IMPG2: variants seen among roughly 807,000 people sequenced by gnomAD.
IMPG2 encodes interphotoreceptor matrix proteoglycan 2.
A neutral mutation model predicts 129.2 loss-of-function variants in IMPG2; 91 were observed. The observed-to-expected ratio is 0.70, with a 90% CI of 0.59 to 0.84. IMPG2 has a LOEUF of 0.84. Ranked by LOEUF, IMPG2 falls within the 40% of genes least tolerant of loss-of-function variation. The pLI is 0.00. For missense variants in IMPG2, 1,430 were observed against 1,461.7 expected, an observed-to-expected ratio of 0.98 and a Z score of 0.35; for synonymous variants, 510 against 517.7, an observed-to-expected ratio of 0.99 and a Z score of 0.20.
chr3:101,279,561 A>G (rs1372688229), intron 4 of IMPG2, among the ~76,000 whole-genome samples: 1 of 152,204 alleles, frequency 6.6e-6, no homozygotes, highest in Non-Finnish European at 1.5e-5. Context: ...GAACCTGGTT[A>G]GAGTTGCTCT....
At chr3:101,227,898 T>G (rs521661) in intron 18 of IMPG2, 359,580 of 455,842 alleles carry the variant, frequency 0.79, 142,277 homozygotes, top group Admixed American at 0.83. Context: ...AAGGGGCAGG[T>G]GTTCCACTCA....
At position 101,225,050 on chromosome 3, in the gene IMPG2, G is replaced by C. The variant is rs1706206332; in HGVS notation, c.*1919C>G. The C allele has an allele frequency of 6.6e-6, 1 of 152,146 alleles. No homozygotes were observed. Among genetic ancestry groups the C allele is most frequent in the African/African-American group, 2.4e-5 (1 of 41,438 alleles). 9.4% of individuals were successfully genotyped at this position (152,146 alleles called of 1,614,324 possible). A position where few individuals can be genotyped will look rare whatever the true frequency, so the allele number is the denominator to read the frequency against. ...CACATTCAAAGAGTTGCATTCTAAG[G>C]TTAATTTGTGATAAAATACACTTTC... On this transcript the variant is annotated 3_prime_UTR_variant, in exon 19 of 19. Coordinates refer to ENST00000193391, the MANE Select transcript of IMPG2 (RefSeq NM_016247.4).
At chr3:101,239,801 C>T (rs1024418579) in intron 14 of IMPG2, among the ~76,000 whole-genome samples, 1 of 152,206 alleles carries the variant, frequency 6.6e-6, no homozygotes, top group Non-Finnish European at 1.5e-5. Flanking sequence ...CCATTATTCT[C>T]AGCGAACTAA....
chr3:101,262,633 AAT>A lies in IMPG2; in HGVS notation c.909-4862_909-4861del, dbSNP rs150715779. Among the ~76,000 whole-genome samples, 860 of 152,080 alleles carry A rather than the reference AAT, an allele frequency of 5.7e-3. 10 individuals carry two copies. Among genetic ancestry groups the A allele is most frequent in the African/African-American group, 0.02 (830 of 41,538 alleles). Reference sequence around the variant, plus strand: ...CACAAAAATAAACAATGAGAGAAGAAATAAGGAACAAAGAATATACAAAACAA... The same window carrying A: ...CACAAAAATAAACAATGAGAGAAGAAAAGGAACAAAGAATATACAAAACAA... On this transcript the variant is annotated intron_variant, in intron 9 of 18. Coordinates refer to ENST00000193391, the MANE Select transcript of IMPG2 (RefSeq NM_016247.4).
chr3:101,267,022 T>C (rs1175185004), intron 9 of IMPG2, among the ~76,000 whole-genome samples: 1 of 152,172 alleles, frequency 6.6e-6, no homozygotes, highest in Non-Finnish European at 1.5e-5. Context: ...AATCCTGTGA[T>C]TCACAGCAAC....
intron 3 of IMPG2, among the ~76,000 whole-genome samples, chr3:101,299,698 C>T (rs1254044436): frequency 1.3e-5 from 2 of 152,140 alleles, no homozygotes; most frequent in Admixed American, 1.3e-4. Flanking sequence ...ACTGTTCAGG[C>T]CCTACTCATC....
intron 3 of IMPG2, among the ~76,000 whole-genome samples, chr3:101,296,305 G>C (rs763761729): frequency 6.6e-6 from 1 of 152,136 alleles, no homozygotes; most frequent in Non-Finnish European, 1.5e-5. Context: ...GGCCTTTTCT[G>C]CATCTATTGA....
rs377405710 is a variant in IMPG2, at chr3:101,307,403, C to T, written c.335-3091G>A. Reference sequence around the variant, plus strand: ...ATGAAGAAATGCCCAAGACTGGGTACTTTATAAAGGAAAGAGATTTAACTG... The same window carrying T: ...ATGAAGAAATGCCCAAGACTGGGTATTTTATAAAGGAAAGAGATTTAACTG... On this transcript the variant is annotated intron_variant, in intron 2 of 18. Transcript: ENST00000193391. 5.0e-4 allele frequency among the ~76,000 whole-genome samples: 76 copies of T among 152,274 alleles called. No homozygotes were observed. In the South Asian group the frequency reaches 0.015, roughly 31 times the overall value.
chr3:101,310,197 A>G (rs1707247089), intron 2 of IMPG2, among the ~76,000 whole-genome samples: 1 of 152,206 alleles, frequency 6.6e-6, no homozygotes, highest in African/African-American at 2.4e-5. Context: ...AGCTCTAGTT[A>G]ATGATACTCA....
chr3:101,302,276 G>A (rs1707147627), intron 3 of IMPG2, among the ~76,000 whole-genome samples: 1 of 152,176 alleles, frequency 6.6e-6, no homozygotes, highest in Non-Finnish European at 1.5e-5. Context: ...AACATCAGAA[G>A]ATTCTGTTCT....
chr3:101,253,637 G>A, intron 11 of IMPG2, 59 bp downstream of exon 11: 1 of 1,119,720 alleles, frequency 8.9e-7, no homozygotes, highest in Non-Finnish European at 1.4e-6. Context: ...GTAAGCAGGT[G>A]CAGGAAGAAA....
intron 2 of IMPG2, 76 bp downstream of exon 2, chr3:101,319,508 T>C: frequency 6.4e-7 from 1 of 1,562,930 alleles, no homozygotes; most frequent in Non-Finnish European, 8.8e-7. Flanking sequence ...AATTTTGATT[T>C]ACAATGTTAC....
intron 11 of IMPG2, among the ~76,000 whole-genome samples, chr3:101,249,907 A>G (rs980968879): frequency 6.6e-6 from 1 of 152,066 alleles, no homozygotes; most frequent in Non-Finnish European, 1.5e-5. Context: ...TACGAAAAAC[A>G]TAAAATAAAA....
At chr3:101,273,853 T>C (rs1239973725) in intron 6 of IMPG2, 111 bp from the exon 7 acceptor site, 1 of 1,045,752 alleles carries the variant, frequency 9.6e-7, no homozygotes, top group East Asian at 2.5e-5. Context: ...CTTCTGAAGA[T>C]AATCTTATTA....
intron 4 of IMPG2, among the ~76,000 whole-genome samples, chr3:101,277,716 G>A (rs946750207): frequency 1.3e-5 from 2 of 152,134 alleles, no homozygotes; most frequent in African/African-American, 4.8e-5. Flanking sequence ...GAGATCAGAA[G>A]ATAATCTAAG....
intron 9 of IMPG2, among the ~76,000 whole-genome samples, chr3:101,263,351 A>G (rs1706690216): frequency 6.6e-6 from 1 of 152,064 alleles, no homozygotes; most frequent in South Asian, 2.1e-4. Flanking sequence ...AAATTATATC[A>G]AGTATCTTAC....
chr3:101,279,365 G>C (rs976545545), intron 4 of IMPG2, among the ~76,000 whole-genome samples: 1 of 152,200 alleles, frequency 6.6e-6, no homozygotes, highest in African/African-American at 2.4e-5. Flanking sequence ...TGGAGAAGCT[G>C]TTATGTAAAA....
chr3:101,259,272 G>C (rs1706644451), intron 9 of IMPG2, among the ~76,000 whole-genome samples: 3 of 151,930 alleles, frequency 2.0e-5, no homozygotes, highest in Admixed American at 1.3e-4. Context: ...CCTTCCAAGA[G>C]ACAAACCACT....
rs1706682629 is a variant in IMPG2, at chr3:101,262,696, A to G, written c.908+4815T>C. ...AACAACAAAATGACATAAGTTCTCT[A>G]CTGTGAATTATAACCTTGAAGTTAA... On this transcript the variant is annotated intron_variant, in intron 9 of 18. Transcript: ENST00000193391. Among the ~76,000 whole-genome samples, 3 of 151,888 alleles carry G rather than the reference A, an allele frequency of 2.0e-5. No homozygotes were observed. In the South Asian group the frequency reaches 6.2e-4, roughly 31 times the overall value.
Sources: gnomAD v4.1 joint callset for allele counts (sites outside exome capture counted in the v4.1 genomes callset) on GRCh38, gnomAD v4.1.1 for gene constraint, MANE v1.5 for transcripts, NCBI Gene and HGNC (gene_info 2026-07-23, HGNC 2026-07-21) for gene names.